Variants in DLG2 observed in about 807,000 individuals in gnomAD.
DLG2 encodes the protein discs large MAGUK scaffold protein 2, also known as disks large homolog 2.
DLG2 carries 45 observed loss-of-function variants against 132.5 expected under a neutral mutation model. That is an observed-to-expected ratio of 0.34 (90% CI 0.27 to 0.44). DLG2 has a LOEUF of 0.44. Among genes scored for constraint, DLG2 ranks in the 20% least tolerant of loss-of-function variants. DLG2 has a pLI of 1.00. For synonymous variants in DLG2, 424 were observed against 419.6 expected (o/e 1.01, Z -0.13); for missense variants, 1,045 against 1,196.9 (o/e 0.87, Z 1.87).
intron 6 of DLG2, among the ~76,000 whole-genome samples, chr11:84,657,515 T>C (rs984185171): frequency 6.6e-6 from 1 of 152,176 alleles, no homozygotes; most frequent in African/African-American, 2.4e-5. Flanking sequence ...GACATATTTT[T>C]TTCACGAATG....
chr11:84,098,999 G>A lies in DLG2; in HGVS notation c.673C>T (p.His225Tyr). Residue 225 changes from histidine to tyrosine, a missense_variant, in exon 10 of 28, where the codon CAC (histidine) becomes TAC (tyrosine). Transcript: ENST00000376104. ...AATATGCCAGGGTCATCTCCAATGT[G>A]GGGATTATCTGTCCCCCCAGCAATA... ...FSIAGGTDNP[H>Y]IGDDPGIFIT... 1.2e-6 allele frequency: 2 copies of A among 1,613,340 alleles called. No individual in the cohort carries two copies. The highest frequency in any genetic ancestry group is 1.7e-6 in the Non-Finnish European group (2 of 1,179,498).
intron 3 of DLG2, among the ~76,000 whole-genome samples, chr11:85,370,013 T>A (rs1240178944): frequency 6.6e-6 from 1 of 152,214 alleles, no homozygotes. Flanking sequence ...AGAATGCAGG[T>A]CAGATGCAAG....
intron 8 of DLG2, among the ~76,000 whole-genome samples, chr11:84,213,206 G>A (rs971244231): frequency 1.3e-5 from 2 of 152,090 alleles, no homozygotes; most frequent in African/African-American, 4.8e-5. Flanking sequence ...ACCACAAGAA[G>A]GATTAATCAC....
chr11:84,124,314 AGTT>A (rs2094062369), intron 9 of DLG2, among the ~76,000 whole-genome samples: 1 of 152,214 alleles, frequency 6.6e-6, no homozygotes, highest in African/African-American at 2.4e-5. Context: ...CCTCTCCATG[AGTT>A]GTTATTTCTA....
chr11:85,202,480 A>G (rs1378106947), intron 4 of DLG2, among the ~76,000 whole-genome samples: 1 of 152,176 alleles, frequency 6.6e-6, no homozygotes, highest in East Asian at 1.9e-4. Context: ...AGCAATGGAC[A>G]GATCATCCAG....
chr11:83,581,948 C>CTTTT (rs71849863), intron 19 of DLG2, among the ~76,000 whole-genome samples: 3,537 of 52,662 alleles, frequency 0.067, 695 homozygotes, highest in Middle Eastern at 0.13. Context: ...AGTTTGGACT[C>CTTTT]TTTTTTTTTT....
intron 9 of DLG2, among the ~76,000 whole-genome samples, chr11:84,153,220 T>A (rs1566728740): frequency 6.6e-6 from 1 of 152,182 alleles, no homozygotes; most frequent in African/African-American, 2.4e-5. Context: ...GTTAGCTTGA[T>A]GAAATTTCCT....
At chr11:84,847,506 G>T (rs930648839) in intron 6 of DLG2, among the ~76,000 whole-genome samples, 7 of 152,112 alleles carry the variant, frequency 4.6e-5, no homozygotes, top group African/African-American at 1.7e-4. Flanking sequence ...TGAAGGAACT[G>T]TCCAGTTTTC....
chr11:84,069,056 C>T (rs894702562), intron 10 of DLG2, among the ~76,000 whole-genome samples: 20 of 152,196 alleles, frequency 1.3e-4, no homozygotes, highest in African/African-American at 4.1e-4. Flanking sequence ...ATCAATCTTT[C>T]TCACACTTTG....
intron 3 of DLG2, among the ~76,000 whole-genome samples, chr11:85,423,871 A>C (rs1394851639): frequency 1.3e-5 from 2 of 152,166 alleles, no homozygotes; most frequent in Non-Finnish European, 2.9e-5. Flanking sequence ...GCAAAAGCAA[A>C]TATGGCTTCC....
chr11:84,176,669 C>T (rs115846270), intron 8 of DLG2, among the ~76,000 whole-genome samples: 3 of 152,038 alleles, frequency 2.0e-5, no homozygotes, highest in East Asian at 1.9e-4. Flanking sequence ...GATAGCTAGT[C>T]GGATTAAGGC....
chr11:84,532,664 T>A lies in DLG2; in HGVS notation c.519+1906A>T, dbSNP rs74971723. On this transcript the variant is annotated intron_variant, in intron 7 of 27. Coordinates refer to ENST00000376104, the MANE Select transcript of DLG2 (RefSeq NM_001142699.3). ...TTGCATGCCACCTCGCTTGGCTAAT[T>A]TGTTAAATTTTTTGCAGAGACAAGG... Among the ~76,000 whole-genome samples the A allele has an allele frequency of 5.5e-3, 831 of 152,176 alleles. 6 individuals carry two copies. The highest frequency in any genetic ancestry group is 0.019 in the African/African-American group (790 of 41,510).
At chr11:84,001,078 C>A (rs542489838) in intron 11 of DLG2, among the ~76,000 whole-genome samples, 1 of 151,840 alleles carries the variant, frequency 6.6e-6, no homozygotes, top group Non-Finnish European at 1.5e-5. Flanking sequence ...ATGACAGGAA[C>A]AAAACCTCAT....
At chr11:85,352,132 T>A (rs868264347) in intron 3 of DLG2, among the ~76,000 whole-genome samples, 13 of 152,228 alleles carry the variant, frequency 8.5e-5, no homozygotes, top group South Asian at 6.2e-4. Context: ...CCTGGTTTAG[T>A]CTTGGGAGGG....
chr11:85,365,519 T>C (rs938325181), intron 3 of DLG2, among the ~76,000 whole-genome samples: 1 of 152,154 alleles, frequency 6.6e-6, no homozygotes, highest in African/African-American at 2.4e-5. Flanking sequence ...GTGGAAGACA[T>C]TGTGGTGATT....
chr11:83,636,862 G>A (rs1263900613), intron 18 of DLG2, among the ~76,000 whole-genome samples: 4 of 152,100 alleles, frequency 2.6e-5, no homozygotes, highest in Non-Finnish European at 4.4e-5. Context: ...GCCTTAATTG[G>A]AATCTATCCT....
intron 3 of DLG2, among the ~76,000 whole-genome samples, chr11:85,379,640 A>T (rs184227689): frequency 6.6e-6 from 1 of 152,342 alleles, no homozygotes; most frequent in East Asian, 1.9e-4. Flanking sequence ...AACTATTATA[A>T]TCAGGCTATA....
chr11:83,519,813 A>C (rs2095418050), intron 21 of DLG2, among the ~76,000 whole-genome samples: 1 of 152,182 alleles, frequency 6.6e-6, no homozygotes, highest in South Asian at 2.1e-4. Flanking sequence ...CCTGCAACAA[A>C]GCAATCATTC....
At chr11:85,588,376 A>AT (rs571322685) in intron 3 of DLG2, among the ~76,000 whole-genome samples, 4 of 150,506 alleles carry the variant, frequency 2.7e-5, no homozygotes, top group Admixed American at 6.6e-5. Context: ...GGCTTTGTTC[A>AT]TTTTTTTTTC....
Sources: gnomAD v4.1 joint callset for allele counts (sites outside exome capture counted in the v4.1 genomes callset) on GRCh38, gnomAD v4.1.1 for gene constraint, MANE v1.5 for transcripts, NCBI Gene and HGNC (gene_info 2026-07-23, HGNC 2026-07-21) for gene names.